The following USP42 variants were observed in gnomAD, a reference collection of about 807,000 sequenced individuals.
USP42 encodes the protein ubiquitin specific peptidase 42, also known as ubiquitin carboxyl-terminal hydrolase 42.
USP42 carries 23 observed loss-of-function variants against 113.0 expected under a neutral mutation model. The observed-to-expected ratio is 0.20, with a 90% CI of 0.15 to 0.29. The LOEUF is 0.29. USP42 is among the 10% of genes least tolerant of loss of function. The probability of loss-of-function intolerance (pLI) is 1.00; values close to 1 mark genes in which losing one functional copy is unlikely to be tolerated. For missense variants in USP42, 2,174 were observed against 1,779.8 expected (o/e 1.22, Z -3.99); for synonymous variants, 933 against 699.0 (o/e 1.33, Z -5.28).
chr7:6,117,411 A>C (rs994131456), intron 3 of USP42, among the ~76,000 whole-genome samples: 51 of 152,100 alleles, frequency 3.4e-4, no homozygotes, highest in African/African-American at 1.2e-3. Flanking sequence ...ATTCCATTTT[A>C]TGGCTAGATC....
In USP42 at chr7:6,145,588, G is replaced by A. The variant is rs764749264; in HGVS notation, c.1063G>A (p.Val355Ile). The A allele has an allele frequency of 1.7e-5, 27 of 1,613,824 alleles. No individual in the cohort carries two copies. The highest frequency in any genetic ancestry group is 2.0e-5 in the Non-Finnish European group (24 of 1,179,888). The change falls in exon 10 of 18, where the codon GTC becomes ATC. Residue 355 changes from valine to isoleucine, a missense_variant. Physicochemically the swap from Val to Ile is conservative, Grantham distance 29. Coordinates refer to ENST00000306177, the MANE Select transcript of USP42 (RefSeq NM_032172.3). Reference protein sequence around the residue: ...SQPNGEPIVYVLYAVLVHTGF... With the variant: ...SQPNGEPIVYILYAVLVHTGF... ...ACCCAACGGAGAGCCAATTGTCTACGTCTTGTATGCAGTGCTGGTCCACAC... is the reference window on the plus strand; with the variant it reads ...ACCCAACGGAGAGCCAATTGTCTACATCTTGTATGCAGTGCTGGTCCACAC...
intron 3 of USP42, among the ~76,000 whole-genome samples, chr7:6,121,496 T>C (rs890848229): frequency 2.6e-5 from 4 of 152,092 alleles, no homozygotes; most frequent in Non-Finnish European, 4.4e-5. Context: ...ATTAGGGTAA[T>C]GTTGGCATCA....
intron 11 of USP42, 89 bp downstream of exon 11, chr7:6,146,337 TA>T (rs75745239): frequency 0.11 from 65,578 of 602,634 alleles, no homozygotes; most frequent in South Asian, 0.14. Context: ...TTCAGTGTTT[TA>T]AAAAAAAAAA....
At chr7:6,144,761 T>C (rs1224009839) in intron 9 of USP42, among the ~76,000 whole-genome samples, 1 of 151,742 alleles carries the variant, frequency 6.6e-6, no homozygotes, top group Non-Finnish European at 1.5e-5. Flanking sequence ...TCCTAGCTAC[T>C]CGGGAGGCTG....
intron 2 of USP42, among the ~76,000 whole-genome samples, chr7:6,114,678 A>AGATATTTTT (rs1779807575): frequency 5.3e-5 from 1 of 18,874 alleles, no homozygotes; most frequent in African/African-American, 3.5e-4. Flanking sequence ...ATATATATAT[A>AGATATTTTT]TTTTTTTTTT....
In USP42 at chr7:6,149,948, C is replaced by T. The variant is rs1385517646; in HGVS notation, c.1752C>T (p.Arg584=). The change falls in exon 13 of 18, where the codon CGC becomes CGT. Residue 584 remains arginine, a synonymous_variant. Coordinates refer to ENST00000306177, the MANE Select transcript of USP42 (RefSeq NM_032172.3). ...VSSKVTKPIP[R]SESCSQPVMN... The stretch of plus-strand genomic sequence containing the variant: ...GTAAAGTAACAAAACCGATCCCCCG[C>T]AGTGAATCCTGCTCCCAGCCCGTGA... 3 of 1,614,024 alleles carry T rather than the reference C, an allele frequency of 1.9e-6. No individual in the cohort carries two copies. The highest frequency in any genetic ancestry group is 1.3e-5 in the African/African-American group (1 of 75,062).
At chr7:6,132,753 C>G (rs1780920024) in intron 3 of USP42, among the ~76,000 whole-genome samples, 1 of 151,824 alleles carries the variant, frequency 6.6e-6, no homozygotes, top group South Asian at 2.1e-4. Flanking sequence ...CTCACTGCAA[C>G]CTCCGCCTCC....
rs575290136 is a variant in USP42, at chr7:6,148,757, A to C, written c.1387-826A>C. ...ATGATCACACACACGGTCTAGCTGC[A>C]TGCTTTATTTTATGGACATCAGGCA... On this transcript the variant is annotated intron_variant, in intron 12 of 17. Transcript: ENST00000306177. Among the ~76,000 whole-genome samples the C allele has an allele frequency of 1.4e-4, 22 of 152,298 alleles. No individual in the cohort carries two copies. The South Asian group carries it at 4.4e-3, about 30-fold the overall frequency.
intron 3 of USP42, among the ~76,000 whole-genome samples, chr7:6,120,305 C>G (rs1200460046): frequency 6.6e-6 from 1 of 152,072 alleles, no homozygotes; most frequent in Non-Finnish European, 1.5e-5. Flanking sequence ...TGCAGTGCCA[C>G]TATCTCCACT....
Position 6,139,109 on chromosome 7 carries a change from C to A in USP42, c.571C>A (p.Arg191Ser), listed in dbSNP as rs1240951945. The A allele has an allele frequency of 6.2e-7, 1 of 1,608,298 alleles. No homozygotes were observed. Among genetic ancestry groups the A allele is most frequent in the Admixed American group, 1.7e-5 (1 of 59,252 alleles). ...NEMRRIARHF[R>S]FGNQEDAHEF... is the part of the protein sequence containing the mutation. ...TTTTACAGGTATAGCTAGGCACTTCCGTTTTGGAAACCAAGAAGATGCCCA... is the reference window on the plus strand; with the variant it reads ...TTTTACAGGTATAGCTAGGCACTTCAGTTTTGGAAACCAAGAAGATGCCCA... Residue 191 changes from arginine (R) to serine (S), a missense_variant, in exon 5 of 18, where the codon CGT (arginine) becomes AGT (serine). Coordinates refer to ENST00000306177, the MANE Select transcript of USP42 (RefSeq NM_032172.3). This position sits in a 1 kb window ranked among gnomAD's most constrained non-coding sequence, Gnocchi z 4.5.
In USP42 at chr7:6,157,278, G is replaced by C; in HGVS notation, c.3943+223G>C. 1 of 1,279,800 alleles carries C rather than the reference G, an allele frequency of 7.8e-7. No individual in the cohort carries two copies. Among genetic ancestry groups the C allele is most frequent in the Non-Finnish European group, 9.8e-7 (1 of 1,015,532 alleles). The allele number at this position is 1,279,800 out of a possible 1,614,324, so 79.3% of individuals were successfully genotyped here. ...GTTTATTGAAGGCCTAAGTGACACA[G>C]GACTGAGGGCAGCACTACCTGTGTC... On this transcript the variant is annotated intron_variant, in intron 16 of 17. Coordinates refer to ENST00000306177, the MANE Select transcript of USP42 (RefSeq NM_032172.3). The surrounding 1 kb of genome is among the most constrained non-coding windows in gnomAD (Gnocchi z 4.1).
At chr7:6,109,695 C>T (rs1397681753) in intron 1 of USP42, among the ~76,000 whole-genome samples, 1 of 146,896 alleles carries the variant, frequency 6.8e-6, no homozygotes, top group Non-Finnish European at 1.5e-5. Context: ...TGCGCCCCGC[C>T]CGGCCTTTTT....
intron 3 of USP42, among the ~76,000 whole-genome samples, chr7:6,132,903 C>T (rs1266966778): frequency 6.6e-6 from 1 of 152,072 alleles, no homozygotes; most frequent in Non-Finnish European, 1.5e-5. Flanking sequence ...CGATCTTCTA[C>T]CTTGTGATCT....
chr7:6,105,473 C>T (rs1779222803), intron 1 of USP42, among the ~76,000 whole-genome samples: 1 of 143,166 alleles, frequency 7.0e-6, no homozygotes, highest in Non-Finnish European at 1.6e-5. Context: ...GGCCCGCCCG[C>T]CGCCCCCCGC....
chr7:6,151,679 C>G (rs1201841907), intron 14 of USP42, among the ~76,000 whole-genome samples: 2 of 152,168 alleles, frequency 1.3e-5, no homozygotes, highest in Non-Finnish European at 2.9e-5. Flanking sequence ...CTGACCTCAA[C>G]TCATCCACCC....
the USP42 span, among the ~76,000 whole-genome samples, chr7:6,092,054 T>TTCTTCTTTC: frequency 2.6e-5 from 1 of 37,908 alleles, no homozygotes; most frequent in Admixed American, 3.1e-4. Flanking sequence ...CTTCTTCTTC[T>TTCTTCTTTC]TTCTTCTTCT....
At chr7:6,104,358 G>A (rs750004652), upstream of USP42, among the ~76,000 whole-genome samples, 5 of 152,180 alleles carry the variant, frequency 3.3e-5, no homozygotes, top group African/African-American at 1.2e-4. Context: ...CTGGGATTAA[G>A]GCGTGAGCCA....
rs369953048 is a variant in USP42 at position 6,156,834 on chromosome 7, A to G, written c.3722A>G (p.Lys1241Arg). The change falls in exon 16 of 18, where the codon AAG (lysine) becomes AGG (arginine). Residue 1241 changes from lysine to arginine, a missense_variant. By Grantham distance (26) the Lys-to-Arg change is conservative. Coordinates refer to ENST00000306177, the MANE Select transcript of USP42 (RefSeq NM_032172.3). Reference sequence around the variant, plus strand: ...CACAAAAAAAAGAAGAAGAAAAAGAAGAGACATTCAAGAAAATCAGAGGAC... The same window carrying G: ...CACAAAAAAAAGAAGAAGAAAAAGAGGAGACATTCAAGAAAATCAGAGGAC... ...HRHKKKKKKK[K>R]RHSRKSEDFV... 3.4e-5 allele frequency: 55 copies of G among 1,609,784 alleles called. No individual in the cohort carries two copies. The African/African-American group carries it at 6.9e-4, about 20-fold the overall frequency.
chr7:6,106,745 T>C (rs932284679), intron 1 of USP42, among the ~76,000 whole-genome samples: 1 of 150,906 alleles, frequency 6.6e-6, no homozygotes, highest in Non-Finnish European at 1.5e-5. Context: ...TTTTTTTTTT[T>C]CTTAAAGAGA....
Sources: gnomAD v4.1 joint callset for allele counts (sites outside exome capture counted in the v4.1 genomes callset) on GRCh38, gnomAD v4.1.1 for gene constraint, Gnocchi (gnomAD v3.1) non-coding constraint, MANE v1.5 for transcripts, NCBI Gene and HGNC (gene_info 2026-07-23, HGNC 2026-07-21) for gene names.